The following PCDH10 variants were observed in gnomAD, a reference collection of about 807,000 sequenced individuals.
PCDH10 encodes protocadherin 10.
In PCDH10, 15 loss-of-function variants were observed where a neutral mutation model predicts 74.4. The ratio of observed to expected loss-of-function variants is 0.20; its 90% confidence interval spans 0.13 to 0.31. PCDH10 has a LOEUF of 0.31. PCDH10 is among the 10% of genes least tolerant of loss of function. The pLI is 1.00. For missense variants in PCDH10, 1,260 were observed against 1,390.2 expected (o/e 0.91, Z 1.49); for synonymous variants, 619 against 589.8 (o/e 1.05, Z -0.72).
chr4:133,194,581 A>G lies in PCDH10; in HGVS notation c.*4421A>G, dbSNP rs1485972337. 1 of 151,978 alleles carries G rather than the reference A, an allele frequency of 6.6e-6. No homozygotes were observed. Among genetic ancestry groups the G allele is most frequent in the Non-Finnish European group, 1.5e-5 (1 of 67,878 alleles). The allele number at this position is 151,978 out of a possible 1,614,324, so 9.4% of individuals were successfully genotyped here. On this transcript the variant is annotated 3_prime_UTR_variant, in exon 5 of 5. Coordinates refer to ENST00000264360, the MANE Select transcript of PCDH10 (RefSeq NM_032961.3). ...AATTATTTTATACTGCTGTATACAT[A>G]TGAAATAAATAAAACTAGGATACAT...
intron 2 of PCDH10, among the ~76,000 whole-genome samples, chr4:133,203,799 G>A (rs188423226): frequency 5.3e-5 from 8 of 152,176 alleles, no homozygotes; most frequent in Non-Finnish European, 8.8e-5. Context: ...AATGTTGGGA[G>A]CCTAGCAGTC....
chr4:133,151,084 A>T lies in PCDH10; in HGVS notation c.944A>T (p.Glu315Val), dbSNP rs774757689. ...PRTGRLEVSG[E>V]LDYEESPVYQ... ...ACTGGCAGACTGGAGGTAAGCGGCGAGTTGGACTATGAAGAGAGCCCAGTG... is the reference window on the plus strand; with the variant it reads ...ACTGGCAGACTGGAGGTAAGCGGCGTGTTGGACTATGAAGAGAGCCCAGTG... Residue 315 changes from glutamate to valine, a missense_variant, in exon 1 of 5, where the codon GAG becomes GTG. By Grantham distance (121) the Glu-to-Val change is moderately radical. Coordinates refer to ENST00000264360, the MANE Select transcript of PCDH10 (RefSeq NM_032961.3). 1 of 1,614,086 alleles carries T rather than the reference A, an allele frequency of 6.2e-7. No individual in the cohort carries two copies. The highest frequency in any genetic ancestry group is 8.5e-7 in the Non-Finnish European group (1 of 1,180,022).
intron 4 of PCDH10, among the ~76,000 whole-genome samples, chr4:133,170,415 C>G (rs942495768): frequency 5.3e-5 from 8 of 151,988 alleles, no homozygotes; most frequent in Non-Finnish European, 1.2e-4. Context: ...TTAAGTCATT[C>G]AACAAGGGAT....
At chr4:133,160,420 C>A (rs1391018925) in intron 3 of PCDH10, among the ~76,000 whole-genome samples, 1 of 145,742 alleles carries the variant, frequency 6.9e-6, no homozygotes, top group Non-Finnish European at 1.5e-5. Context: ...TTTTTTTTTG[C>A]CATGCACATG....
rs184171096 is a variant in PCDH10 at position 133,203,154 on chromosome 4, A to C, written n.438-4922A>C. Among the ~76,000 whole-genome samples the C allele has an allele frequency of 4.5e-3, 688 of 152,224 alleles. 6 individuals carry two copies. Among genetic ancestry groups the C allele is most frequent in the Non-Finnish European group, 4.2e-3 (286 of 68,022 alleles). ...ATGTGGCCAAAAATTGCCACTGTAA[A>C]GATGTATGGTGTAGGGCCAAGGAGA... is the stretch of plus-strand genomic sequence containing the variant. On this transcript the variant is annotated intron_variant and non_coding_transcript_variant, in intron 2 of 2. Transcript: ENST00000511112.
At chr4:133,156,717 G>T (rs926508210) in intron 3 of PCDH10, among the ~76,000 whole-genome samples, 1 of 152,054 alleles carries the variant, frequency 6.6e-6, no homozygotes, top group African/African-American at 2.4e-5. Context: ...CACACGCCCC[G>T]CTTTGTTTTT....
intron 4 of PCDH10, 131 bp downstream of exon 4, chr4:133,163,413 C>T: frequency 1.3e-6 from 1 of 743,898 alleles, no homozygotes. Context: ...TGGATGCTGG[C>T]AGCACTTTAG....
Position 133,152,143 on chromosome 4 carries a change from T to G in PCDH10, c.2003T>G (p.Leu668Arg). 2 of 1,565,716 alleles carry G rather than the reference T, an allele frequency of 1.3e-6. No individual in the cohort carries two copies. Among genetic ancestry groups the G allele is most frequent in the Non-Finnish European group, 1.7e-6 (2 of 1,156,768 alleles). The change falls in exon 1 of 5, where the codon CTT becomes CGT. Residue 668 changes from leucine (L) to arginine (R), a missense_variant. Leu to Arg is a moderately radical substitution (Grantham distance 102, BLOSUM62 -2). Transcript: ENST00000264360. The part of the protein sequence containing the change: ...IEVRDHGQPP[L>R]SSTATLVVQL... ...GTGCGCGACCATGGGCAGCCGCCCCTTTCCTCCACCGCCACCCTGGTGGTT... is the reference window on the plus strand; with the variant it reads ...GTGCGCGACCATGGGCAGCCGCCCCGTTCCTCCACCGCCACCCTGGTGGTT...
intron 4 of PCDH10, among the ~76,000 whole-genome samples, chr4:133,176,377 T>C (rs1727297094): frequency 6.6e-6 from 1 of 152,162 alleles, no homozygotes; most frequent in Admixed American, 6.6e-5. Context: ...AAGCTCATTG[T>C]GGAAATTAAA....
chr4:133,194,601 A>G lies in PCDH10; in HGVS notation c.*4441A>G, dbSNP rs1727753807. 1 of 151,958 alleles carries G rather than the reference A, an allele frequency of 6.6e-6. No individual in the cohort carries two copies. Among genetic ancestry groups the G allele is most frequent in the Non-Finnish European group, 1.5e-5 (1 of 67,864 alleles). The allele number at this position is 151,958 out of a possible 1,614,324, so 9.4% of individuals were successfully genotyped here. A position where few individuals can be genotyped will look rare whatever the true frequency, so the allele number is the denominator to read the frequency against. ...TACATATGAAATAAATAAAACTAGG[A>G]TACATATTATGCCATTTTTCCATGC... On this transcript the variant is annotated 3_prime_UTR_variant, in exon 5 of 5. Transcript: ENST00000264360.
intron 2 of PCDH10, among the ~76,000 whole-genome samples, chr4:133,206,440 G>C (rs1319144331): frequency 6.6e-6 from 1 of 152,014 alleles, no homozygotes; most frequent in African/African-American, 2.4e-5. Flanking sequence ...TAACATTTTT[G>C]GTCCTTTTTA....
At chr4:133,183,796 G>A (rs1051558427) in intron 4 of PCDH10, among the ~76,000 whole-genome samples, 7 of 152,054 alleles carry the variant, frequency 4.6e-5, no homozygotes, top group African/African-American at 1.7e-4. Context: ...TAGAATTTTA[G>A]GAGAGATGGC....
At chr4:133,156,067 A>G (rs1432422657) in intron 3 of PCDH10, among the ~76,000 whole-genome samples, 1 of 152,100 alleles carries the variant, frequency 6.6e-6, no homozygotes, top group Non-Finnish European at 1.5e-5. Context: ...CCTTTATTTT[A>G]CTTAATAATA....
At chr4:133,205,364 C>T (rs1218674276) in intron 2 of PCDH10, among the ~76,000 whole-genome samples, 2 of 152,164 alleles carry the variant, frequency 1.3e-5, no homozygotes, top group African/African-American at 2.4e-5. Context: ...GTTTCCATAT[C>T]GTCTTCTAAG....
In PCDH10 at chr4:133,151,999, T is replaced by G; in HGVS notation, c.1859T>G (p.Ile620Ser). The stretch of plus-strand genomic sequence containing the variant: ...GAGAACGCCCGGCTCACTTACAGCA[T>G]CGTGCGTGGCAACGAAATGAACCTC... Reference protein sequence around the residue: ...DGENARLTYSIVRGNEMNLFR... With the variant: ...DGENARLTYSSVRGNEMNLFR... Residue 620 changes from isoleucine to serine, a missense_variant, in exon 1 of 5, where the codon ATC (isoleucine) becomes AGC (serine). By Grantham distance (142) the Ile-to-Ser change is moderately radical. This residue lies in a region of PCDH10 where 587 missense variants were observed against 616.9 expected (regional missense o/e 0.95). Transcript: ENST00000264360. The G allele has an allele frequency of 6.2e-7, 1 of 1,612,760 alleles. No individual in the cohort carries two copies. The highest frequency in any genetic ancestry group is 8.5e-7 in the Non-Finnish European group (1 of 1,179,840).
chr4:133,188,354 G>A (rs1428734422), intron 4 of PCDH10, among the ~76,000 whole-genome samples: 1 of 152,048 alleles, frequency 6.6e-6, no homozygotes, highest in African/African-American at 2.4e-5. Context: ...TCTGATTGGT[G>A]TAAACAAATT....
Position 133,152,422 on chromosome 4 carries a change from G to A in PCDH10, c.2282G>A (p.Cys761Tyr). The change falls in exon 1 of 5, where the codon TGC (cysteine) becomes TAC (tyrosine). Residue 761 changes from cysteine (C) to tyrosine (Y), a missense_variant. This residue lies in a region of PCDH10 where 587 missense variants were observed against 616.9 expected (regional missense o/e 0.95). Transcript: ENST00000264360. ...GCCAGCGATTGCTGCCTCTGCTGCTGCTGCTGCGGTGGCGGAGGTTCGACC... is the reference window on the plus strand; with the variant it reads ...GCCAGCGATTGCTGCCTCTGCTGCTACTGCTGCGGTGGCGGAGGTTCGACC... ...CLASDCCLCC[C>Y]CCGGGGSTCC... 6.2e-7 allele frequency: 1 copy of A among 1,614,184 alleles called. No individual in the cohort carries two copies. Among genetic ancestry groups the A allele is most frequent in the Non-Finnish European group, 8.5e-7 (1 of 1,180,040 alleles).
intron 1 of PCDH10, chr4:133,153,276 T>C (rs1367116528): frequency 9.9e-7 from 1 of 1,008,352 alleles, no homozygotes; most frequent in Non-Finnish European, 1.2e-6. Context: ...CGAATTCATG[T>C]TTTAGTGAAC....
At chr4:133,159,320 C>A (rs1018254366) in intron 3 of PCDH10, among the ~76,000 whole-genome samples, 2 of 152,004 alleles carry the variant, frequency 1.3e-5, no homozygotes, top group Non-Finnish European at 2.9e-5. Flanking sequence ...AGTTGAAAAC[C>A]ATGTACTTTA....
Sources: gnomAD v4.1 joint callset for allele counts (sites outside exome capture counted in the v4.1 genomes callset) on GRCh38, gnomAD v4.1.1 for gene constraint, gnomAD v4.1.1 regional missense constraint, MANE v1.5 for transcripts, NCBI Gene and HGNC (gene_info 2026-07-23, HGNC 2026-07-21) for gene names.